The following EDIL3 variants were observed in gnomAD, a reference collection of about 807,000 sequenced individuals.
The protein encoded by EDIL3 is EGF like and discoidin domains 3.
EDIL3 carries 37 observed loss-of-function variants against 67.4 expected under a neutral mutation model. That is an observed-to-expected ratio of 0.55 (90% CI 0.42 to 0.72). The LOEUF (loss-of-function observed/expected upper bound fraction) is 0.72. Ranked by LOEUF, EDIL3 falls within the 30% of genes least tolerant of loss-of-function variation. The pLI is 0.00. For missense variants in EDIL3, 527 were observed against 586.3 expected, an observed-to-expected ratio of 0.90 and a Z score of 1.04; for synonymous variants, 195 against 196.3, an observed-to-expected ratio of 0.99 and a Z score of 0.05.
chr5:84,382,575 CG>C (rs540523094), intron 1 of EDIL3, among the ~76,000 whole-genome samples: 111 of 152,198 alleles, frequency 7.3e-4, no homozygotes, highest in Non-Finnish European at 1.4e-3. Context: ...GAAACGTAGG[CG>C]GGGAAGAGAA....
intron 9 of EDIL3, among the ~76,000 whole-genome samples, chr5:84,024,391 GT>G: frequency 6.6e-6 from 1 of 152,106 alleles, no homozygotes; most frequent in East Asian, 1.9e-4. Context: ...CTTTCCTTCT[GT>G]CTAGTAATAC....
chr5:84,120,050 A>AT (rs200826899), intron 5 of EDIL3, among the ~76,000 whole-genome samples: 7 of 152,046 alleles, frequency 4.6e-5, no homozygotes, highest in Non-Finnish European at 7.4e-5. Flanking sequence ...TGTTTTTGAG[A>AT]TTTTTAAAAA....
intron 9 of EDIL3, among the ~76,000 whole-genome samples, chr5:84,044,955 A>C (rs1008225481): frequency 3.3e-5 from 5 of 152,182 alleles, no homozygotes; most frequent in African/African-American, 1.2e-4. Context: ...CTGCTGATAA[A>C]GACATACTCA....
At chr5:84,230,006 C>T in intron 2 of EDIL3, 122 bp from the exon 3 acceptor site, 1 of 858,292 alleles carries the variant, frequency 1.2e-6, no homozygotes, top group South Asian at 2.1e-5. Flanking sequence ...TTCACATTTC[C>T]AAACACTAAC....
At chr5:84,023,353 A>G (rs1460207132) in intron 9 of EDIL3, among the ~76,000 whole-genome samples, 2 of 152,072 alleles carry the variant, frequency 1.3e-5, no homozygotes, top group Non-Finnish European at 2.9e-5. Context: ...CTTATGATGT[A>G]TACATCATAA....
intron 9 of EDIL3, among the ~76,000 whole-genome samples, chr5:84,027,147 G>C (rs1461539724): frequency 1.3e-5 from 2 of 152,074 alleles, no homozygotes; most frequent in Admixed American, 6.6e-5. Flanking sequence ...TTTAGCTCTG[G>C]TGTCCTTTGA....
At chr5:84,113,749 CTT>C (rs1334289956) in intron 5 of EDIL3, among the ~76,000 whole-genome samples, 2 of 152,174 alleles carry the variant, frequency 1.3e-5, no homozygotes, top group Admixed American at 6.5e-5. Flanking sequence ...GAATGTACTG[CTT>C]TCATTTGCTC....
At chr5:84,178,307 T>A (rs1450897152) in intron 4 of EDIL3, among the ~76,000 whole-genome samples, 1 of 152,176 alleles carries the variant, frequency 6.6e-6, no homozygotes, top group African/African-American at 2.4e-5. Flanking sequence ...TTCCTGAAGA[T>A]CCTGATGCAC....
At chr5:84,162,339 A>G (rs1748628630) in intron 4 of EDIL3, among the ~76,000 whole-genome samples, 1 of 152,118 alleles carries the variant, frequency 6.6e-6, no homozygotes, top group Non-Finnish European at 1.5e-5. Flanking sequence ...CCCTCCTGGC[A>G]GTGTCTAAGG....
intron 2 of EDIL3, among the ~76,000 whole-genome samples, chr5:84,242,432 T>A (rs1744815975): frequency 6.6e-6 from 1 of 152,160 alleles, no homozygotes; most frequent in Non-Finnish European, 1.5e-5. Context: ...AAAGAATGTG[T>A]TCCTTCAGAT....
intron 3 of EDIL3, among the ~76,000 whole-genome samples, chr5:84,213,216 A>G (rs1433280045): frequency 6.6e-6 from 1 of 151,784 alleles, no homozygotes; most frequent in African/African-American, 2.4e-5. Context: ...CGATCTTATA[A>G]ATAAGACTTA....
chr5:84,071,884 G>C (rs964849154), intron 6 of EDIL3, among the ~76,000 whole-genome samples: 1 of 151,922 alleles, frequency 6.6e-6, no homozygotes, highest in Admixed American at 6.6e-5. Context: ...GAATAGAACA[G>C]AATAGAAAAC....
chr5:83,952,814 G>A (rs577151182), intron 10 of EDIL3, among the ~76,000 whole-genome samples: 4 of 151,890 alleles, frequency 2.6e-5, no homozygotes, highest in East Asian at 2.0e-4. Flanking sequence ...AATTCTTCCC[G>A]CATTAGGAGA....
At chr5:84,279,921 TC>T (rs549684271) in intron 1 of EDIL3, among the ~76,000 whole-genome samples, 134 of 152,288 alleles carry the variant, frequency 8.8e-4, no homozygotes, top group African/African-American at 3.1e-3. Context: ...CCCTGGGGTC[TC>T]TTTGCCGCTA....
intron 1 of EDIL3, among the ~76,000 whole-genome samples, chr5:84,258,095 A>C (rs2112080977): frequency 6.6e-6 from 1 of 152,350 alleles, no homozygotes; most frequent in Middle Eastern, 3.4e-3. Context: ...GAGGATAAAC[A>C]ACAAACATAA....
At chr5:84,138,530 C>G (rs1180483984) in intron 4 of EDIL3, among the ~76,000 whole-genome samples, 1 of 152,162 alleles carries the variant, frequency 6.6e-6, no homozygotes, top group Non-Finnish European at 1.5e-5. Context: ...TTCTGATACC[C>G]TATAACATAT....
At chr5:83,998,450 TG>T (rs958185131) in intron 9 of EDIL3, among the ~76,000 whole-genome samples, 2 of 152,176 alleles carry the variant, frequency 1.3e-5, no homozygotes, top group African/African-American at 4.8e-5. Flanking sequence ...AGGCAGTAGT[TG>T]CCATGGGCAT....
intron 3 of EDIL3, among the ~76,000 whole-genome samples, chr5:84,209,209 A>G (rs935965699): frequency 6.9e-6 from 1 of 145,448 alleles, no homozygotes; most frequent in African/African-American, 2.6e-5. Context: ...GGAACATCAC[A>G]CTCTGGGGAC....
intron 3 of EDIL3, among the ~76,000 whole-genome samples, chr5:84,204,934 A>G (rs576230549): frequency 6.6e-5 from 10 of 152,228 alleles, no homozygotes; most frequent in African/African-American, 2.4e-4. Flanking sequence ...TGTTTCTGAG[A>G]CAGAGTCTTG....
Sources: allele counts gnomAD v4.1 joint callset (sites outside exome capture counted in the v4.1 genomes callset), GRCh38; gene constraint gnomAD v4.1.1; transcripts MANE v1.5; gene names NCBI Gene and HGNC (gene_info 2026-07-23, HGNC 2026-07-21).